The following WDR27 variants were observed in gnomAD, a reference collection of about 807,000 sequenced individuals.
WDR27 encodes WD repeat domain 27, also known as WD repeat-containing protein 27.
Under a neutral mutation model 114.4 loss-of-function variants are expected in WDR27, and 100 were observed. That is an observed-to-expected ratio of 0.87 (90% confidence interval 0.74 to 1.03). The LOEUF is 1.03. Ranked by LOEUF, WDR27 falls within the 50% of genes least tolerant of loss-of-function variation. The probability of loss-of-function intolerance (pLI) is 0.00; values close to 1 mark genes in which losing one functional copy is unlikely to be tolerated. For synonymous variants in WDR27, 449 were observed against 423.1 expected (o/e 1.06, Z -0.75); for missense variants, 1,129 against 1,092.9 (o/e 1.03, Z -0.47).
chr6:169,624,724 G>A (rs546363014), intron 21 of WDR27, among the ~76,000 whole-genome samples: 105 of 152,284 alleles, frequency 6.9e-4, no homozygotes, highest in African/African-American at 2.4e-3. Flanking sequence ...TGAGAAGAGA[G>A]CTCACCTGAC....
At chr6:169,666,052 C>G (rs1349522832) in intron 6 of WDR27, among the ~76,000 whole-genome samples, 1 of 152,142 alleles carries the variant, frequency 6.6e-6, no homozygotes, top group Non-Finnish European at 1.5e-5. Context: ...CCTAGGATGT[C>G]ATTTCATTTA....
chr6:169,597,880 A>T (rs1221750778), intron 23 of WDR27, among the ~76,000 whole-genome samples: 10 of 17,040 alleles, frequency 5.9e-4, no homozygotes, highest in Admixed American at 1.7e-3. Flanking sequence ...CCATTCATAC[A>T]CACACACACA....
intron 25 of WDR27, among the ~76,000 whole-genome samples, chr6:169,564,577 C>G (rs375586580): frequency 6.6e-6 from 1 of 152,214 alleles, no homozygotes; most frequent in South Asian, 2.1e-4. Context: ...TGGCTGACCA[C>G]CCTCCACATT....
At chr6:169,568,998 G>A (rs1013522063) in intron 25 of WDR27, among the ~76,000 whole-genome samples, 1 of 152,118 alleles carries the variant, frequency 6.6e-6, no homozygotes, top group Admixed American at 6.6e-5. Context: ...TCGCTCCCAA[G>A]AGGAAGAGAC....
intron 25 of WDR27, among the ~76,000 whole-genome samples, chr6:169,475,673 C>T (rs531413521): frequency 6.6e-6 from 1 of 152,256 alleles, no homozygotes; most frequent in Non-Finnish European, 1.5e-5. Flanking sequence ...TTTTGTGCTT[C>T]CATATTTAAT....
chr6:169,609,096 G>A lies in WDR27; in HGVS notation c.2321+4463C>T, dbSNP rs370594368. Among the ~76,000 whole-genome samples the A allele has an allele frequency of 7.9e-5, 12 of 152,316 alleles. No individual in the cohort carries two copies. In the East Asian group the frequency reaches 2.1e-3, roughly 27 times the overall value. On this transcript the variant is annotated intron_variant, in intron 22 of 25. Coordinates refer to ENST00000448612, the MANE Select transcript of WDR27 (RefSeq NM_182552.5). The stretch of plus-strand genomic sequence containing the variant: ...GCAAGAGGTGGGTTCCCATGGTCGT[G>A]GGCAGCTCTGTCCCTGTGGCTTTGC...
rs141319253 is a variant in WDR27, at chr6:169,659,562, G to A, written c.1130-44C>T. On this transcript the variant is annotated intron_variant, in intron 10 of 25. Transcript: ENST00000448612. The surrounding 1 kb of genome is among the most constrained non-coding windows in gnomAD (Gnocchi z 4.3). ...CAGGAAGAACATGATGGGGAGGGAGGTAGCACATACACACGGAGTCACTGC... is the reference window on the plus strand; with the variant it reads ...CAGGAAGAACATGATGGGGAGGGAGATAGCACATACACACGGAGTCACTGC... 25,467 of 1,567,838 alleles carry A rather than the reference G, an allele frequency of 0.016. 274 individuals carry two copies. Among genetic ancestry groups the A allele is most frequent in the Non-Finnish European group, 0.019 (21,882 of 1,152,992 alleles).
chr6:169,448,392 A>ATGTGTGTGTGTGTGTG, the WDR27 span, among the ~76,000 whole-genome samples: 1 of 131,968 alleles, frequency 7.6e-6, no homozygotes, highest in East Asian at 2.1e-4. Context: ...CTCTGTCTCT[A>ATGTGTGTGTGTGTGTG]TGTGTGTGTG....
Position 169,457,784 on chromosome 6 carries a change from A to C in WDR27, c.2646-150T>G. The C allele has an allele frequency of 8.4e-6, 5 of 594,294 alleles. No homozygotes were observed. The South Asian group carries it at 1.0e-4, about 12-fold the overall frequency. The allele number at this position is 594,294 out of a possible 1,614,324, so 36.8% of individuals were successfully genotyped here. Reference sequence around the variant, plus strand: ...TACATTAACATAGTAGAATCTATATATACAACAGATATTATGCTGATGATT... The same window carrying C: ...TACATTAACATAGTAGAATCTATATCTACAACAGATATTATGCTGATGATT... On this transcript the variant is annotated intron_variant, in intron 25 of 25. Coordinates refer to ENST00000448612, the MANE Select transcript of WDR27 (RefSeq NM_182552.5).
In WDR27 at chr6:169,651,967, T is replaced by A. The variant is rs747934669; in HGVS notation, c.1444A>T (p.Ser482Cys). 6.2e-7 allele frequency: 1 copy of A among 1,613,868 alleles called. No individual in the cohort carries two copies. The highest frequency in any genetic ancestry group is 1.1e-5 in the South Asian group (1 of 91,072). Residue 482 changes from serine (S) to cysteine (C), a missense_variant, in exon 14 of 26, where the codon AGT (serine) becomes TGT (cysteine). By Grantham distance (112) the Ser-to-Cys change is moderately radical. Transcript: ENST00000448612. ...GCATAACCAGATGACCTAACTTTAC[T>A]ATGGAAAACCAGGCGTTGGTCCTTC... ...VMKDQRLVFHSKVRSSGYASA... is the reference protein window; with the variant it reads ...VMKDQRLVFHCKVRSSGYASA...
intron 22 of WDR27, among the ~76,000 whole-genome samples, chr6:169,608,337 G>A (rs891500176): frequency 3.9e-5 from 6 of 152,176 alleles, no homozygotes; most frequent in South Asian, 2.1e-4. Flanking sequence ...AGTGCCCATC[G>A]ACCAATGTAT....
intron 1 of WDR27, among the ~76,000 whole-genome samples, chr6:169,695,706 G>C (rs922142140): frequency 6.6e-6 from 1 of 152,196 alleles, no homozygotes; most frequent in Non-Finnish European, 1.5e-5. Flanking sequence ...CTAATCCCCA[G>C]AACCTCTGCA....
intron 25 of WDR27, among the ~76,000 whole-genome samples, chr6:169,506,629 A>G (rs775131511): frequency 6.6e-6 from 1 of 152,248 alleles, no homozygotes; most frequent in Non-Finnish European, 1.5e-5. Flanking sequence ...GGGTAAAAAC[A>G]TGGTCATTAC....
In WDR27 at chr6:169,667,218, G is replaced by C. The variant is rs1187499353; in HGVS notation, c.661-31C>G. The C allele has an allele frequency of 8.2e-6, 12 of 1,467,662 alleles. No individual in the cohort carries two copies. In the South Asian group the frequency reaches 1.7e-4, roughly 21 times the overall value. The allele number at this position is 1,467,662 out of a possible 1,614,324, so 90.9% of individuals were successfully genotyped here. Reference sequence around the variant, plus strand: ...GATAAACACAGGATTCTTTAGAAGAGGTAACAACGTTGCCATTATTGCAAC... The same window carrying C: ...GATAAACACAGGATTCTTTAGAAGACGTAACAACGTTGCCATTATTGCAAC... On this transcript the variant is annotated intron_variant, in intron 5 of 25. Coordinates refer to ENST00000448612, the MANE Select transcript of WDR27 (RefSeq NM_182552.5).
At chr6:169,625,949 C>T (rs1814699767) in intron 21 of WDR27, among the ~76,000 whole-genome samples, 1 of 152,200 alleles carries the variant, frequency 6.6e-6, no homozygotes, top group Admixed American at 6.5e-5. Flanking sequence ...CCCAGCCCAG[C>T]AGCCCGGGCT....
chr6:169,667,379 A>G, intron 5 of WDR27, 192 bp from the exon 6 acceptor site: 2 of 1,232,982 alleles, frequency 1.6e-6, no homozygotes, highest in Non-Finnish European at 2.0e-6. Flanking sequence ...AAAAAGAAAA[A>G]AATAACATCA....
At chr6:169,665,799 G>C (rs6912767) in intron 6 of WDR27, among the ~76,000 whole-genome samples, 1 of 151,976 alleles carries the variant, frequency 6.6e-6, no homozygotes, top group African/African-American at 2.4e-5. Context: ...GCTGCCCGGT[G>C]AGTCCACCAC....
chr6:169,649,016 A>G (rs1821526551), intron 15 of WDR27, among the ~76,000 whole-genome samples, 182 bp downstream of exon 15: 1 of 152,288 alleles, frequency 6.6e-6, no homozygotes, highest in Admixed American at 6.5e-5. Flanking sequence ...TGAAAAATTA[A>G]CAGGAAAGAA....
intron 24 of WDR27, 26 bp downstream of exon 24, chr6:169,582,810 G>C: frequency 6.3e-7 from 1 of 1,584,172 alleles, no homozygotes; most frequent in Non-Finnish European, 8.7e-7. Flanking sequence ...CAGCAGAGGC[G>C]CCCCACCCAC....
Sources: gnomAD v4.1 joint callset for allele counts (sites outside exome capture counted in the v4.1 genomes callset) on GRCh38, gnomAD v4.1.1 for gene constraint, Gnocchi (gnomAD v3.1) non-coding constraint, MANE v1.5 for transcripts, NCBI Gene and HGNC (gene_info 2026-07-23, HGNC 2026-07-21) for gene names.